Variants in RIPOR2 observed in about 807,000 individuals in gnomAD.
The protein encoded by RIPOR2 is RHO family interacting cell polarization regulator 2.
RIPOR2 carries 39 observed loss-of-function variants against 114.5 expected under a neutral mutation model. That is an observed-to-expected ratio of 0.34 (90% confidence interval 0.26 to 0.44). RIPOR2 has a LOEUF of 0.44. Among genes scored for constraint, RIPOR2 ranks in the 20% least tolerant of loss-of-function variants. The probability of loss-of-function intolerance (pLI) is 1.00; values close to 1 mark genes in which losing one functional copy is unlikely to be tolerated. For missense variants in RIPOR2, 1,007 were observed against 1,255.1 expected (o/e 0.80, Z 2.99); for synonymous variants, 445 against 484.4 (o/e 0.92, Z 1.07).
At chr6:24,923,408 C>G (rs1168562956) in intron 1 of RIPOR2, among the ~76,000 whole-genome samples, 1 of 152,144 alleles carries the variant, frequency 6.6e-6, no homozygotes, top group African/African-American at 2.4e-5. Flanking sequence ...GTTGGATCAC[C>G]TGGCAATTCT....
intron 16 of RIPOR2, among the ~76,000 whole-genome samples, chr6:24,831,078 T>C (rs1310680149): frequency 6.6e-6 from 1 of 151,994 alleles, no homozygotes; most frequent in Non-Finnish European, 1.5e-5. Context: ...TGGGGGGTCT[T>C]TAGGGACTTT....
intron 1 of RIPOR2, among the ~76,000 whole-genome samples, chr6:25,036,788 T>G (rs1276318680): frequency 6.6e-6 from 1 of 152,106 alleles, no homozygotes; most frequent in African/African-American, 2.4e-5. Flanking sequence ...AGATCCTCTG[T>G]GGGGGCAAAC....
At chr6:24,998,533 T>C (rs2113639730) in intron 1 of RIPOR2, among the ~76,000 whole-genome samples, 1 of 152,328 alleles carries the variant, frequency 6.6e-6, no homozygotes, top group South Asian at 2.1e-4. Context: ...AGAATGATAT[T>C]TCTAACCCAG....
intron 1 of RIPOR2, among the ~76,000 whole-genome samples, chr6:24,909,573 T>C (rs898306979): frequency 6.6e-6 from 1 of 151,904 alleles, no homozygotes; most frequent in African/African-American, 2.4e-5. Context: ...GAAGAAATGA[T>C]TGTGTGTCAG....
chr6:24,963,418 C>T (rs190079867), intron 1 of RIPOR2, among the ~76,000 whole-genome samples: 4 of 152,278 alleles, frequency 2.6e-5, no homozygotes, highest in Non-Finnish European at 5.9e-5. Context: ...AAAGCTAGTG[C>T]TCACTCTTTT....
intron 1 of RIPOR2, among the ~76,000 whole-genome samples, chr6:24,925,695 C>T (rs1581811255): frequency 6.8e-6 from 1 of 147,820 alleles, no homozygotes; most frequent in East Asian, 2.0e-4. Flanking sequence ...AGTGAGACTC[C>T]ATCTCAAAAA....
At chr6:25,036,302 T>A (rs1777251561) in intron 1 of RIPOR2, among the ~76,000 whole-genome samples, 1 of 152,218 alleles carries the variant, frequency 6.6e-6, no homozygotes. Context: ...AAAACTCATT[T>A]CCATTCCTCT....
chr6:24,860,929 T>A, intron 8 of RIPOR2, 44 bp downstream of exon 8: 1 of 1,302,034 alleles, frequency 7.7e-7, no homozygotes, highest in South Asian at 1.2e-5. Flanking sequence ...CTCTGCACTC[T>A]GCAGAGATGG....
chr6:24,959,015 A>G (rs1364710058), intron 1 of RIPOR2, among the ~76,000 whole-genome samples: 1 of 143,198 alleles, frequency 7.0e-6, no homozygotes, highest in Non-Finnish European at 1.5e-5. Context: ...GGAGTGGCCA[A>G]TCATAGCTCA....
At chr6:24,894,990 T>G (rs1276953724) in intron 1 of RIPOR2, among the ~76,000 whole-genome samples, 1 of 152,178 alleles carries the variant, frequency 6.6e-6, no homozygotes, top group Non-Finnish European at 1.5e-5. Flanking sequence ...GAGCCTAATA[T>G]AATGCACTAA....
chr6:24,934,539 T>C (rs1035375138), intron 1 of RIPOR2, among the ~76,000 whole-genome samples: 1 of 152,246 alleles, frequency 6.6e-6, no homozygotes, highest in African/African-American at 2.4e-5. Context: ...AGGGGTTCTT[T>C]GCGACACTCT....
chr6:24,833,544 A>G (rs1435714087), intron 15 of RIPOR2, among the ~76,000 whole-genome samples: 3 of 152,130 alleles, frequency 2.0e-5, no homozygotes, highest in Non-Finnish European at 2.9e-5. Context: ...AACAAAACAA[A>G]GTCTAGTGCA....
chr6:24,990,037 TA>T (rs370390510), intron 1 of RIPOR2, among the ~76,000 whole-genome samples: 4,075 of 150,572 alleles, frequency 0.027, 59 homozygotes, highest in South Asian at 0.036. Context: ...AAAATAAAAA[TA>T]AAAAAAAATA....
chr6:24,908,025 C>A (rs1165400384), intron 1 of RIPOR2, among the ~76,000 whole-genome samples: 1 of 121,984 alleles, frequency 8.2e-6, no homozygotes, highest in Non-Finnish European at 1.6e-5. Context: ...AGCTGTTATT[C>A]TTTTCTGGTT....
chr6:25,023,214 T>C (rs766310275), intron 1 of RIPOR2: 9 of 652,998 alleles, frequency 1.4e-5, no homozygotes, highest in Admixed American at 3.6e-5. Context: ...GATCTGCAAA[T>C]TGAGGAGGCT....
chr6:24,832,703 G>A (rs1317348099), intron 15 of RIPOR2, among the ~76,000 whole-genome samples: 2 of 152,170 alleles, frequency 1.3e-5, no homozygotes, highest in Non-Finnish European at 2.9e-5. Flanking sequence ...TGAAACGTGA[G>A]GGGCAGTTTA....
intron 1 of RIPOR2, among the ~76,000 whole-genome samples, chr6:25,009,719 T>G (rs1208089341): frequency 6.6e-6 from 1 of 152,228 alleles, no homozygotes; most frequent in African/African-American, 2.4e-5. Context: ...ATCTAACTCA[T>G]GAGATAACAA....
chr6:24,830,587 C>T lies in RIPOR2; in HGVS notation c.2428G>A (p.Ala810Thr), dbSNP rs1212202794. The change falls in exon 17 of 22, where the codon GCG becomes ACG. Residue 810 changes from alanine (A) to threonine (T), a missense_variant. Coordinates refer to ENST00000643898, the MANE Select transcript of RIPOR2 (RefSeq NM_001286445.3). ...TCCAGCTGCTTCATCACTCTGTCCG[C>T]TGGGCTGTGGTAGACACCAACAGGG... is the stretch of plus-strand genomic sequence containing the variant. ...CSPVGVYHSPADRVMKQLEAS... is the reference protein window; with the variant it reads ...CSPVGVYHSPTDRVMKQLEAS... 1 of 1,551,450 alleles carries T rather than the reference C, an allele frequency of 6.4e-7. No homozygotes were observed. The highest frequency in any genetic ancestry group is 8.7e-7 in the Non-Finnish European group (1 of 1,146,986).
chr6:25,009,589 A>G lies in RIPOR2; in HGVS notation c.76+32262T>C, dbSNP rs537396901. Among the ~76,000 whole-genome samples the G allele has an allele frequency of 2.7e-4, 41 of 152,366 alleles. 1 individual carries two copies. The South Asian group carries it at 4.3e-3, about 16-fold the overall frequency. On this transcript the variant is annotated intron_variant, in intron 1 of 13. Transcript: ENST00000510784. ...TTACCACCCAGATGGCTCCCAGCTTATGAATAAGTTGTATTCCAAAAGTTG... is the reference window on the plus strand; with the variant it reads ...TTACCACCCAGATGGCTCCCAGCTTGTGAATAAGTTGTATTCCAAAAGTTG...
Sources: gnomAD v4.1 joint callset for allele counts (sites outside exome capture counted in the v4.1 genomes callset) on GRCh38, gnomAD v4.1.1 for gene constraint, MANE v1.5 for transcripts, NCBI Gene and HGNC (gene_info 2026-07-23, HGNC 2026-07-21) for gene names.